PPAT: variants seen among roughly 807,000 people sequenced by gnomAD.
PPAT encodes the protein amidophosphoribosyltransferase.
PPAT carries 20 observed loss-of-function variants against 60.2 expected under a neutral mutation model. The ratio of observed to expected loss-of-function variants is 0.33; its 90% CI spans 0.23 to 0.48. The LOEUF (loss-of-function observed/expected upper bound fraction) is 0.48, where lower values mean the gene tolerates loss of function less well. PPAT is among the 20% of genes least tolerant of loss of function. PPAT has a pLI of 0.99. For missense variants in PPAT, 349 were observed against 629.6 expected (o/e 0.55, Z 4.77); for synonymous variants, 194 against 215.1 (o/e 0.90, Z 0.86).
At chr4:56,405,786 T>C (rs924650871) in intron 3 of PPAT, among the ~76,000 whole-genome samples, 7 of 152,198 alleles carry the variant, frequency 4.6e-5, no homozygotes, top group African/African-American at 1.7e-4. Context: ...TCCTTTATAA[T>C]AAACTGGTAA....
Position 56,395,100 on chromosome 4 carries a change from A to G in PPAT, c.*252T>C, listed in dbSNP as rs906860719. The G allele has an allele frequency of 1.3e-5, 5 of 371,660 alleles. No homozygotes were observed. Among genetic ancestry groups the G allele is most frequent in the African/African-American group, 1.1e-4 (5 of 46,172 alleles). 23.0% of individuals were successfully genotyped at this position (371,660 alleles called of 1,614,324 possible). The stretch of plus-strand genomic sequence containing the variant: ...CAGTGACCACCTGCCTTCTCTGACC[A>G]GGTTAAAAAGGCTAGCCAATGCTTG... On this transcript the variant is annotated 3_prime_UTR_variant, in exon 11 of 11. Transcript: ENST00000264220.
Position 56,401,422 on chromosome 4 carries a change from G to A in PPAT, c.794C>T (p.Thr265Ile). ...IVEISRHNVQ[T>I]LDIISRSEGN... ...TTCAGACCTTGATATAATATCAAGA[G>A]TTTGGACATTGTGTCTGGATATTTC... The change falls in exon 7 of 11, where the codon ACT becomes ATT. Residue 265 changes from threonine (T) to isoleucine (I), a missense_variant. Physicochemically the swap from Thr to Ile is moderately conservative, Grantham distance 89 (BLOSUM62 -1). This residue lies in a region of PPAT where 167 missense variants were observed against 328.6 expected (regional missense o/e 0.51). Transcript: ENST00000264220. 2 of 1,605,186 alleles carry A rather than the reference G, an allele frequency of 1.2e-6. No individual in the cohort carries two copies. Among genetic ancestry groups the A allele is most frequent in the Non-Finnish European group, 1.7e-6 (2 of 1,173,522 alleles).
At chr4:56,402,008 C>G in intron 6 of PPAT, 101 bp downstream of exon 6, 1 of 920,008 alleles carries the variant, frequency 1.1e-6, no homozygotes, top group Non-Finnish European at 1.6e-6. Flanking sequence ...TTGCAGACAT[C>G]AAAAAGAAAA....
chr4:56,406,724 C>A (rs1350913286), intron 2 of PPAT, 23 bp from the exon 3 acceptor site: 1 of 1,560,574 alleles, frequency 6.4e-7, no homozygotes, highest in Non-Finnish European at 8.8e-7. Flanking sequence ...AAAAGTGCAA[C>A]TTAGAAAAAA....
intron 1 of PPAT, among the ~76,000 whole-genome samples, chr4:56,412,841 T>C (rs1716531384): frequency 6.6e-6 from 1 of 152,198 alleles, no homozygotes; most frequent in Non-Finnish European, 1.5e-5. Flanking sequence ...TCTTCCCATA[T>C]ACTTTCCACA....
At chr4:56,421,432 G>A (rs1258831662) in intron 1 of PPAT, 1 of 152,356 alleles carries the variant, frequency 6.6e-6, no homozygotes, top group East Asian at 1.9e-4. Context: ...CTCACCCCCT[G>A]GTCCATGGAA....
At position 56,407,678 on chromosome 4, in the gene PPAT, C is replaced by T. The variant is rs754125477; in HGVS notation, c.167G>A (p.Ser56Asn). The change falls in exon 2 of 11, where the codon AGT (serine) becomes AAT (asparagine). Residue 56 changes from serine (S) to asparagine (N), a missense_variant. Physicochemically the swap from Ser to Asn is conservative, Grantham distance 46. Around this residue, in one of 5 missense-constraint regions of PPAT, gnomAD observed 115 missense variants for 174.5 expected, o/e 0.66. Transcript: ENST00000264220. ...GTGTGATTTGAATGTTGGCACCGAA[C>T]TCCCATCACTAGTCACAATACCAGC... ...ESAGIVTSDG[S>N]SVPTFKSHKG... is the part of the protein sequence containing the mutation. The T allele has an allele frequency of 3.2e-5, 52 of 1,606,350 alleles. 1 individual carries two copies. Among genetic ancestry groups the T allele is most frequent in the Non-Finnish European group, 4.3e-5 (51 of 1,172,828 alleles).
In PPAT at chr4:56,414,317, G is replaced by C. The variant is rs548666121; in HGVS notation, c.129-6601C>G. The C allele has an allele frequency of 2.6e-5, 4 of 152,320 alleles. No homozygotes were observed. In the East Asian group the frequency reaches 7.7e-4, roughly 29 times the overall value. The allele number at this position is 152,320 out of a possible 1,614,324, so 9.4% of individuals were successfully genotyped here. A position where few individuals can be genotyped will look rare whatever the true frequency, so the allele number is the denominator to read the frequency against. ...TGTTGGGATCAACCTCATGCAAGTG[G>C]TAAGGATAGGCCACTTGTTAGGCAG... is the stretch of plus-strand genomic sequence containing the variant. On this transcript the variant is annotated intron_variant, in intron 1 of 10. Transcript: ENST00000264220.
Position 56,396,447 on chromosome 4 carries a change from G to A in PPAT, c.1357+172C>T. The A allele has an allele frequency of 3.6e-6, 2 of 552,524 alleles. No homozygotes were observed. Among genetic ancestry groups the A allele is most frequent in the Admixed American group, 3.8e-5 (1 of 26,260 alleles). The allele number at this position is 552,524 out of a possible 1,614,324, so 34.2% of individuals were successfully genotyped here. A position where few individuals can be genotyped will look rare whatever the true frequency, so the allele number is the denominator to read the frequency against. On this transcript the variant is annotated intron_variant, in intron 10 of 10. Transcript: ENST00000264220. The surrounding 1 kb of genome is among the most constrained non-coding windows in gnomAD (Gnocchi z 4.6). Reference sequence around the variant, plus strand: ...GCTCTCCAACACAAGACTCTGTGGTGTCTGCCCATGCCCACTACTCTCACT... The same window carrying A: ...GCTCTCCAACACAAGACTCTGTGGTATCTGCCCATGCCCACTACTCTCACT...
intron 1 of PPAT, chr4:56,431,611 CAGG>C (rs1717586851): frequency 4.6e-6 from 3 of 647,770 alleles, no homozygotes; most frequent in Non-Finnish European, 5.7e-6. Context: ...AATTCCTAAC[CAGG>C]AGAAGTGATA....
intron 9 of PPAT, among the ~76,000 whole-genome samples, chr4:56,397,728 TA>T (rs1230197160): frequency 5.3e-5 from 8 of 152,118 alleles, no homozygotes; most frequent in African/African-American, 9.7e-5. Context: ...AAATAAAAAT[TA>T]AAAAAAAATT....
chr4:56,426,878 A>G (rs931739576), intron 1 of PPAT, among the ~76,000 whole-genome samples: 4 of 152,202 alleles, frequency 2.6e-5, no homozygotes, highest in African/African-American at 7.2e-5. Flanking sequence ...AAACTTCTGT[A>G]GCCATTAAAC....
chr4:56,410,573 G>GAC lies in PPAT; in HGVS notation c.129-2858_129-2857insGT, dbSNP rs1716401752. 9 of 984,626 alleles carry GAC rather than the reference G, an allele frequency of 9.1e-6. No homozygotes were observed. In the Admixed American group the frequency reaches 5.5e-4, roughly 61 times the overall value. 61.0% of individuals were successfully genotyped at this position (984,626 alleles called of 1,614,324 possible). On this transcript the variant is annotated intron_variant, in intron 1 of 10. Transcript: ENST00000264220. The stretch of plus-strand genomic sequence containing the variant: ...GGAGGAGGTTAAAGCTTTGCTAAGT[G>GAC]TCTGGGCAGAAAAAAATATACGAAA...
At chr4:56,433,065 A>G (rs1317375800) in intron 1 of PPAT, among the ~76,000 whole-genome samples, 2 of 151,424 alleles carry the variant, frequency 1.3e-5, no homozygotes, top group Non-Finnish European at 2.9e-5. Context: ...CTTATCTATC[A>G]GTTTCGAGCA....
intron 1 of PPAT, among the ~76,000 whole-genome samples, chr4:56,417,842 G>GTTT (rs35004501): frequency 1.7e-4 from 23 of 136,166 alleles, no homozygotes; most frequent in Non-Finnish European, 2.7e-4. Flanking sequence ...TTGGTTTTTT[G>GTTT]TTTTTTTTTT....
chr4:56,402,914 T>C, intron 5 of PPAT, 126 bp downstream of exon 5: 2 of 789,494 alleles, frequency 2.5e-6, no homozygotes. Context: ...TACATTTATT[T>C]TTATTTTTCT....
chr4:56,401,229 C>G (rs1716104981), intron 7 of PPAT, 101 bp downstream of exon 7: 1 of 1,093,180 alleles, frequency 9.1e-7, no homozygotes, highest in Non-Finnish European at 1.3e-6. Flanking sequence ...TAACTATATG[C>G]CTTCAAAGAG....
In PPAT at chr4:56,402,222, T is replaced by C. The variant is rs746966593; in HGVS notation, c.662-41A>G. The C allele has an allele frequency of 7.5e-6, 11 of 1,461,940 alleles. No individual in the cohort carries two copies. In the South Asian group the frequency reaches 1.3e-4, roughly 17 times the overall value. 90.6% of individuals were successfully genotyped at this position (1,461,940 alleles called of 1,614,324 possible). ...CAATTCAATTAATGGATTCCAGAAA[T>C]TTTAAGAGGCTATTTCAATGGAACA... On this transcript the variant is annotated intron_variant, in intron 5 of 10. Transcript: ENST00000264220.
At position 56,402,119 on chromosome 4, in the gene PPAT, T is replaced by G. The variant is rs762207633; in HGVS notation, c.724A>C (p.Ile242Leu). ...CAAGGTAAAACTTACCTTGCACCAA[T>G]AGATAAGAAGCTACAAGATTCTGAA... ...VSSESCSFLS[I>L]GARYYREVLP... is the part of the protein sequence containing the mutation. The change falls in exon 6 of 11, where the codon ATT (isoleucine) becomes CTT (leucine). Residue 242 changes from isoleucine (I) to leucine (L), a missense_variant. This residue lies in a region of PPAT where 167 missense variants were observed against 328.6 expected (regional missense o/e 0.51). Coordinates refer to ENST00000264220, the MANE Select transcript of PPAT (RefSeq NM_002703.5). 3.8e-6 allele frequency: 6 copies of G among 1,597,144 alleles called. No homozygotes were observed. Among genetic ancestry groups the G allele is most frequent in the African/African-American group, 2.7e-5 (2 of 74,492 alleles).
Sources: allele counts gnomAD v4.1 joint callset (sites outside exome capture counted in the v4.1 genomes callset), GRCh38; gene constraint gnomAD v4.1.1; regional missense constraint gnomAD v4.1.1; non-coding constraint Gnocchi (gnomAD v3.1); transcripts MANE v1.5; gene names NCBI Gene and HGNC (gene_info 2026-07-23, HGNC 2026-07-21).